Variants in PIN1 observed in about 807,000 individuals in gnomAD.
The protein encoded by PIN1 is peptidylprolyl cis/trans isomerase, NIMA-interacting 1.
A neutral mutation model predicts 19.9 loss-of-function variants in PIN1; 8 were observed. That is an observed-to-expected ratio of 0.40 (90% CI 0.24 to 0.72). The LOEUF (loss-of-function observed/expected upper bound fraction) is 0.72. Among genes scored for constraint, PIN1 ranks in the 30% least tolerant of loss-of-function variants. The pLI is 0.37. For missense variants in PIN1, 185 were observed against 226.5 expected (o/e 0.82, Z 1.18); for synonymous variants, 86 against 90.8 (o/e 0.95, Z 0.30).
In PIN1 at chr19:9,847,301, T is replaced by G. The variant is rs969823157; in HGVS notation, c.272-729T>G. On this transcript the variant is annotated intron_variant, in intron 2 of 3. Transcript: ENST00000247970. ...CCTCCTAACTCCACCAGCCCTGGCC[T>G]CCTCCGCCTCCTGGAGAGTCAGAGC... Among the ~76,000 whole-genome samples, 6 of 152,188 alleles carry G rather than the reference T, an allele frequency of 3.9e-5. No homozygotes were observed. The South Asian group carries it at 6.2e-4, about 16-fold the overall frequency.
intron 1 of PIN1, 170 bp downstream of exon 1, chr19:9,835,572 C>T (rs1599446215): frequency 3.6e-6 from 2 of 554,604 alleles, no homozygotes; most frequent in East Asian, 7.1e-5. Flanking sequence ...GGACTGCGAG[C>T]CTCAGGAGCC....
intron 1 of PIN1, chr19:9,836,796 G>T (rs1179525966): frequency 7.8e-7 from 1 of 1,283,294 alleles, no homozygotes; most frequent in Non-Finnish European, 1.0e-6. Flanking sequence ...TACAGTTCCT[G>T]CCTTCCCCTG....
At position 9,835,357 on chromosome 19, in the gene PIN1, G is replaced by C; in HGVS notation, c.13G>C (p.Glu5Gln). ...GGCAGGAGGGAAGATGGCGGACGAG[G>C]AGAAGCTGCCGCCCGGCTGGGAGAA... MADE[E>Q]KLPPGWEKRM... The change falls in exon 1 of 4, where the codon GAG (glutamate) becomes CAG (glutamine). Residue 5 changes from glutamate (E) to glutamine (Q), a missense_variant. Physicochemically the swap from Glu to Gln is conservative, Grantham distance 29. Coordinates refer to ENST00000247970, the MANE Select transcript of PIN1 (RefSeq NM_006221.4). The C allele has an allele frequency of 2.0e-6, 3 of 1,523,848 alleles. No homozygotes were observed. Among genetic ancestry groups the C allele is most frequent in the Middle Eastern group, 2.3e-4 (1 of 4,366 alleles). 94.4% of individuals were successfully genotyped at this position (1,523,848 alleles called of 1,614,324 possible).
In PIN1 at chr19:9,835,419, G is replaced by A. The variant is rs1236723408; in HGVS notation, c.58+17G>A. 1.3e-6 allele frequency: 2 copies of A among 1,491,246 alleles called. No individual in the cohort carries two copies. The highest frequency in any genetic ancestry group is 2.7e-5 in the East Asian group (1 of 36,752). 92.4% of individuals were successfully genotyped at this position (1,491,246 alleles called of 1,614,324 possible). A position where few individuals can be genotyped will look rare whatever the true frequency, so the allele number is the denominator to read the frequency against. On this transcript the variant is annotated intron_variant, in intron 1 of 3. Transcript: ENST00000247970. ...GCAGCTCAGGTGCCGCGGGGGTCGG[G>A]GCTGGGGCGGGACTGCGCGGGCCCG...
At chr19:9,847,259 C>T (rs2046228396) in intron 2 of PIN1, among the ~76,000 whole-genome samples, 1 of 152,326 alleles carries the variant, frequency 6.6e-6, no homozygotes, top group Admixed American at 6.5e-5. Flanking sequence ...CTTGCCCCCT[C>T]TGCTGGCAGC....
chr19:9,838,235 T>G lies in PIN1; in HGVS notation c.59-201T>G. On this transcript the variant is annotated intron_variant, in intron 1 of 3. Transcript: ENST00000247970. This position sits in a 1 kb window ranked among gnomAD's most constrained non-coding sequence, Gnocchi z 5.8. Reference sequence around the variant, plus strand: ...CACCTGTCTGCTCTCACCTAGAATGTTAGCTCTCTAAGGGCAGGGACTGTA... The same window carrying G: ...CACCTGTCTGCTCTCACCTAGAATGGTAGCTCTCTAAGGGCAGGGACTGTA... 1.6e-6 allele frequency: 1 copy of G among 641,408 alleles called. No individual in the cohort carries two copies. The highest frequency in any genetic ancestry group is 2.8e-6 in the Non-Finnish European group (1 of 352,044). The allele number at this position is 641,408 out of a possible 1,614,324, so 39.7% of individuals were successfully genotyped here. A position where few individuals can be genotyped will look rare whatever the true frequency, so the allele number is the denominator to read the frequency against.
rs1483450469 is a variant in PIN1, at chr19:9,846,658, G to T, written c.272-1372G>T. ...AGTGTGTTCAGCAGGTGCCACGGTT[G>T]GGTGTCCAGGCCTCCCAGCACTGGC... On this transcript the variant is annotated intron_variant, in intron 2 of 3. Coordinates refer to ENST00000247970, the MANE Select transcript of PIN1 (RefSeq NM_006221.4). The surrounding 1 kb of genome is among the most constrained non-coding windows in gnomAD (Gnocchi z 5.9). Among the ~76,000 whole-genome samples, 3 of 152,204 alleles carry T rather than the reference G, an allele frequency of 2.0e-5. No individual in the cohort carries two copies. Among genetic ancestry groups the T allele is most frequent in the Non-Finnish European group, 4.4e-5 (3 of 68,028 alleles).
rs775598506 is a variant in PIN1 at position 9,835,335 on chromosome 19, A to G, written c.-10A>G. On this transcript the variant is annotated 5_prime_UTR_variant, in exon 1 of 4. Transcript: ENST00000247970. ...GCTGAGGCGGAGCAGGCGCTGCGGCAGGAGGGAAGATGGCGGACGAGGAGA... is the reference window on the plus strand; with the variant it reads ...GCTGAGGCGGAGCAGGCGCTGCGGCGGGAGGGAAGATGGCGGACGAGGAGA... 133 of 1,518,576 alleles carry G rather than the reference A, an allele frequency of 8.8e-5. No homozygotes were observed. Among genetic ancestry groups the G allele is most frequent in the Non-Finnish European group, 1.1e-4 (129 of 1,138,244 alleles). 94.1% of individuals were successfully genotyped at this position (1,518,576 alleles called of 1,614,324 possible).
At position 9,838,891 on chromosome 19, in the gene PIN1, G is replaced by A. The variant is rs889441493; in HGVS notation, c.271+243G>A. Among the ~76,000 whole-genome samples, 3 of 152,146 alleles carry A rather than the reference G, an allele frequency of 2.0e-5. No individual in the cohort carries two copies. Among genetic ancestry groups the A allele is most frequent in the African/African-American group, 7.2e-5 (3 of 41,434 alleles). ...CCCAGCCTGGGGGCTGGCAGACATG[G>A]GTTCAGGTAGTAGCTGTGCCTCTGT... On this transcript the variant is annotated intron_variant, in intron 2 of 3. Transcript: ENST00000247970. This position sits in a 1 kb window ranked among gnomAD's most constrained non-coding sequence, Gnocchi z 5.8.
rs2046238113 is a variant in PIN1 at position 9,847,991 on chromosome 19, CCCCTGACCTGGCACTCCCATTCCGTT to C, written c.272-36_272-11del. ...TCCTGTCTGGTCAGGCCCCCCCCAA[CCCCTGACCTGGCACTCCCATTCCGTT>C]CCATGTCCACAGGCTACATCCAGAA... is the stretch of plus-strand genomic sequence containing the variant. On this transcript the variant is annotated splice_polypyrimidine_tract_variant and intron_variant, in intron 2 of 3. Transcript: ENST00000247970. 1 of 1,331,636 alleles carries C rather than the reference CCCCTGACCTGGCACTCCCATTCCGTT, an allele frequency of 7.5e-7. No individual in the cohort carries two copies. Among genetic ancestry groups the C allele is most frequent in the African/African-American group, 1.4e-5 (1 of 69,334 alleles). The allele number at this position is 1,331,636 out of a possible 1,614,324, so 82.5% of individuals were successfully genotyped here. A position where few individuals can be genotyped will look rare whatever the true frequency, so the allele number is the denominator to read the frequency against.
chr19:9,835,557 T>G, intron 1 of PIN1, 155 bp downstream of exon 1: 2 of 573,702 alleles, frequency 3.5e-6, no homozygotes, highest in Non-Finnish European at 2.8e-6. Context: ...CCCGCCCTGT[T>G]GTGGGGACTG....
In PIN1 at chr19:9,849,249, G is replaced by C; in HGVS notation, c.*50G>C. The C allele has an allele frequency of 7.8e-7, 1 of 1,277,620 alleles. No individual in the cohort carries two copies. The highest frequency in any genetic ancestry group is 1.1e-6 in the Non-Finnish European group (1 of 894,058). The allele number at this position is 1,277,620 out of a possible 1,614,324, so 79.1% of individuals were successfully genotyped here. A position where few individuals can be genotyped will look rare whatever the true frequency, so the allele number is the denominator to read the frequency against. On this transcript the variant is annotated 3_prime_UTR_variant, in exon 4 of 4. Coordinates refer to ENST00000247970, the MANE Select transcript of PIN1 (RefSeq NM_006221.4). ...CGGGGCAGGGCAGGGCGGCTAGGCC[G>C]GCCAGCTCCCCCTTGCCCGCCAGCC...
intron 3 of PIN1, chr19:9,848,716 G>A (rs1327121851): frequency 2.7e-5 from 8 of 299,058 alleles, no homozygotes; most frequent in East Asian, 9.0e-5. Context: ...GGGGTGGGGC[G>A]GCAGCATGGG....
chr19:9,845,598 C>T (rs373024090), intron 2 of PIN1, among the ~76,000 whole-genome samples: 3 of 152,088 alleles, frequency 2.0e-5, no homozygotes, highest in African/African-American at 2.4e-5. Flanking sequence ...CAATAAAGTG[C>T]GACCCCATCT....
chr19:9,842,658 C>T (rs1319547914), intron 2 of PIN1, among the ~76,000 whole-genome samples: 1 of 152,252 alleles, frequency 6.6e-6, no homozygotes, highest in African/African-American at 2.4e-5. Context: ...CTGCCTGAGA[C>T]GGTGCTGGGG....
rs1255684553 is a variant in PIN1 at position 9,835,324 on chromosome 19, G to A, written c.-21G>A. 1.3e-6 allele frequency: 2 copies of A among 1,523,874 alleles called. No homozygotes were observed. The highest frequency in any genetic ancestry group is 8.8e-7 in the Non-Finnish European group (1 of 1,141,468). 94.4% of individuals were successfully genotyped at this position (1,523,874 alleles called of 1,614,324 possible). On this transcript the variant is annotated 5_prime_UTR_variant, in exon 1 of 4. Coordinates refer to ENST00000247970, the MANE Select transcript of PIN1 (RefSeq NM_006221.4). Reference sequence around the variant, plus strand: ...CAGGCGGCGCAGCTGAGGCGGAGCAGGCGCTGCGGCAGGAGGGAAGATGGC... The same window carrying A: ...CAGGCGGCGCAGCTGAGGCGGAGCAAGCGCTGCGGCAGGAGGGAAGATGGC...
chr19:9,845,772 G>A (rs1217669779), intron 2 of PIN1, among the ~76,000 whole-genome samples: 3 of 152,206 alleles, frequency 2.0e-5, no homozygotes, highest in Non-Finnish European at 2.9e-5. Context: ...CACTATGTGT[G>A]TGAGAGAGGA....
At chr19:9,836,397 G>A (rs1376645152) in intron 1 of PIN1, 2 of 165,638 alleles carry the variant, frequency 1.2e-5, no homozygotes, top group African/African-American at 2.4e-5. Flanking sequence ...CCATTGCCAA[G>A]GTTTTAGAGT....
In PIN1 at chr19:9,835,417, G is replaced by T. The variant is rs1041846450; in HGVS notation, c.58+15G>T. ...CCGCAGCTCAGGTGCCGCGGGGGTC[G>T]GGGCTGGGGCGGGACTGCGCGGGCC... On this transcript the variant is annotated intron_variant, in intron 1 of 3. Coordinates refer to ENST00000247970, the MANE Select transcript of PIN1 (RefSeq NM_006221.4). The T allele has an allele frequency of 6.7e-7, 1 of 1,492,924 alleles. No individual in the cohort carries two copies. Among genetic ancestry groups the T allele is most frequent in the Admixed American group, 2.1e-5 (1 of 46,910 alleles). 92.5% of individuals were successfully genotyped at this position (1,492,924 alleles called of 1,614,324 possible). A position where few individuals can be genotyped will look rare whatever the true frequency, so the allele number is the denominator to read the frequency against.
Sources: gnomAD v4.1 joint callset for allele counts (sites outside exome capture counted in the v4.1 genomes callset) on GRCh38, gnomAD v4.1.1 for gene constraint, Gnocchi (gnomAD v3.1) non-coding constraint, MANE v1.5 for transcripts, NCBI Gene and HGNC (gene_info 2026-07-23, HGNC 2026-07-21) for gene names.